The following CLEC16A variants were observed in gnomAD, a reference collection of about 807,000 sequenced individuals.
The protein encoded by CLEC16A is protein CLEC16A.
In CLEC16A, 51 loss-of-function variants were observed where a neutral mutation model predicts 109.5. That is an observed-to-expected ratio of 0.47 (90% CI 0.37 to 0.59). CLEC16A has a LOEUF of 0.59. Among genes scored for constraint, CLEC16A ranks in the 20% least tolerant of loss-of-function variants. CLEC16A has a pLI of 0.00. For synonymous variants in CLEC16A, 673 were observed against 564.2 expected (o/e 1.19, Z -2.73); for missense variants, 1,339 against 1,394.0 (o/e 0.96, Z 0.63).
intron 1 of CLEC16A, among the ~76,000 whole-genome samples, chr16:10,945,878 T>A (rs1327218073): frequency 3.3e-5 from 5 of 152,202 alleles, no homozygotes; most frequent in Non-Finnish European, 5.9e-5. Flanking sequence ...TTATTTTCTG[T>A]CTTCTGTTAA....
chr16:10,967,639 A>T (rs1380824099), intron 3 of CLEC16A, among the ~76,000 whole-genome samples: 1 of 152,220 alleles, frequency 6.6e-6, no homozygotes, highest in Admixed American at 6.5e-5. Flanking sequence ...CCATTCACAC[A>T]GCCAGTGAAT....
At chr16:11,010,277 C>A (rs952066546) in intron 11 of CLEC16A, among the ~76,000 whole-genome samples, 1 of 152,022 alleles carries the variant, frequency 6.6e-6, no homozygotes, top group Non-Finnish European at 1.5e-5. Context: ...ATACCTCTTT[C>A]ATAAACATGA....
At chr16:11,143,458 G>A (rs1175682990) in intron 22 of CLEC16A, among the ~76,000 whole-genome samples, 2 of 152,152 alleles carry the variant, frequency 1.3e-5, no homozygotes, top group African/African-American at 4.8e-5. Context: ...GGGTGGGAAA[G>A]CCACAGCCGC....
At chr16:11,114,165 GTGTGTGTGTGTGTT>G (rs1392771860) in intron 19 of CLEC16A, among the ~76,000 whole-genome samples, 1 of 141,706 alleles carries the variant, frequency 7.1e-6, no homozygotes, top group East Asian at 2.0e-4. Context: ...GTGTGTGTGT[GTGTGTGTGTGTGTT>G]TATTGGCAAT....
Position 11,174,715 on chromosome 16 carries a change from C to G in CLEC16A, c.2807-3620C>G, listed in dbSNP as rs1255418226. On this transcript the variant is annotated intron_variant, in intron 23 of 23. Coordinates refer to ENST00000409790, the MANE Select transcript of CLEC16A (RefSeq NM_015226.3). This position sits in a 1 kb window ranked among gnomAD's most constrained non-coding sequence, Gnocchi z 4.7. ...AATTTGTAGAAAGCAACCAAGAAGT[C>G]TCCTCATTTCTTTTTTCCTTTCTTC... is the stretch of plus-strand genomic sequence containing the variant. 6.6e-6 allele frequency among the ~76,000 whole-genome samples: 1 copy of G among 152,214 alleles called. No homozygotes were observed. The highest frequency in any genetic ancestry group is 1.5e-5 in the Non-Finnish European group (1 of 68,038).
chr16:11,123,512 T>G (rs1300344368), intron 20 of CLEC16A, among the ~76,000 whole-genome samples: 1 of 152,180 alleles, frequency 6.6e-6, no homozygotes, highest in Non-Finnish European at 1.5e-5. Context: ...ACCACCAGCA[T>G]CCGCTCCTTT....
rs566827363 is a variant in CLEC16A, at chr16:11,120,358, C to T, written c.2117-257C>T. Reference sequence around the variant, plus strand: ...TTTATGTACTTTATATGCTTTATATCAGTCCTAACTAGTAGCAGTTTGAGG... The same window carrying T: ...TTTATGTACTTTATATGCTTTATATTAGTCCTAACTAGTAGCAGTTTGAGG... On this transcript the variant is annotated intron_variant, in intron 19 of 23. Transcript: ENST00000409790. Among the ~76,000 whole-genome samples, 18 of 152,356 alleles carry T rather than the reference C, an allele frequency of 1.2e-4. 1 individual carries two copies. In the South Asian group the frequency reaches 3.5e-3, roughly 30 times the overall value.
rs890677804 is a variant in CLEC16A, at chr16:11,174,803, A to G, written c.2807-3532A>G. 6.6e-6 allele frequency among the ~76,000 whole-genome samples: 1 copy of G among 152,210 alleles called. No homozygotes were observed. Among genetic ancestry groups the G allele is most frequent in the African/African-American group, 2.4e-5 (1 of 41,450 alleles). On this transcript the variant is annotated intron_variant, in intron 23 of 23. Coordinates refer to ENST00000409790, the MANE Select transcript of CLEC16A (RefSeq NM_015226.3). The surrounding 1 kb of genome is among the most constrained non-coding windows in gnomAD (Gnocchi z 4.7). ...CTGTTTTGACCGGAAGCCAAGAGCCATTTCCCTCATAGACACATGGATGGA... is the reference window on the plus strand; with the variant it reads ...CTGTTTTGACCGGAAGCCAAGAGCCGTTTCCCTCATAGACACATGGATGGA...
intron 9 of CLEC16A, among the ~76,000 whole-genome samples, chr16:10,981,342 A>C (rs2043311002): frequency 6.6e-6 from 1 of 152,198 alleles, no homozygotes; most frequent in Non-Finnish European, 1.5e-5. Context: ...AAAAATCATC[A>C]TTGCTAACAT....
At chr16:11,036,144 G>A (rs2047003051) in intron 13 of CLEC16A, 1 of 152,504 alleles carries the variant, frequency 6.6e-6, no homozygotes, top group African/African-American at 2.4e-5. Context: ...GAACAGTCAG[G>A]GGAATGGAAC....
chr16:10,985,864 C>G (rs547991072), intron 10 of CLEC16A, among the ~76,000 whole-genome samples: 20 of 141,644 alleles, frequency 1.4e-4, no homozygotes, highest in African/African-American at 4.5e-4. Flanking sequence ...TGCCACCACG[C>G]CCAGCTAATT....
At chr16:10,955,352 A>G (rs554109872) in intron 1 of CLEC16A, among the ~76,000 whole-genome samples, 1 of 152,318 alleles carries the variant, frequency 6.6e-6, no homozygotes, top group African/African-American at 2.4e-5. Flanking sequence ...AGCAAGATCA[A>G]TAAGGTGATG....
chr16:11,048,890 A>G (rs1201234581), intron 17 of CLEC16A, among the ~76,000 whole-genome samples: 2 of 151,636 alleles, frequency 1.3e-5, no homozygotes, highest in Non-Finnish European at 2.9e-5. Flanking sequence ...CTGTTTGGAA[A>G]TGTCAGGCTT....
intron 22 of CLEC16A, among the ~76,000 whole-genome samples, chr16:11,142,903 CT>C (rs2053903316): frequency 6.6e-6 from 1 of 152,210 alleles, no homozygotes; most frequent in Admixed American, 6.5e-5. Flanking sequence ...CTCCGCCCCC[CT>C]GGTTCAAGTG....
At chr16:11,155,987 A>G (rs1293060169) in intron 22 of CLEC16A, among the ~76,000 whole-genome samples, 1 of 152,162 alleles carries the variant, frequency 6.6e-6, no homozygotes, top group African/African-American at 2.4e-5. Flanking sequence ...TCAGTGTAGG[A>G]TACACACTGT....
intron 19 of CLEC16A, among the ~76,000 whole-genome samples, chr16:11,084,406 G>A (rs1253675425): frequency 1.3e-5 from 2 of 152,138 alleles, no homozygotes; most frequent in South Asian, 4.1e-4. Context: ...TTGGATCCCA[G>A]GGCCCACAGT....
chr16:10,949,483 T>A (rs2041611376), intron 1 of CLEC16A, among the ~76,000 whole-genome samples: 1 of 151,892 alleles, frequency 6.6e-6, no homozygotes, highest in Admixed American at 6.6e-5. Context: ...GGAAAAGGCA[T>A]TTGAGAAAGC....
In CLEC16A at chr16:11,174,109, A is replaced by G. The variant is rs1472580857; in HGVS notation, c.2807-4226A>G. On this transcript the variant is annotated intron_variant, in intron 23 of 23. Coordinates refer to ENST00000409790, the MANE Select transcript of CLEC16A (RefSeq NM_015226.3). This position sits in a 1 kb window ranked among gnomAD's most constrained non-coding sequence, Gnocchi z 4.7. ...CCCTCCATGTCGCCTCTGCCGTCCC[A>G]TTGTTAAAGGCTTTCTATGATCTGT... The G allele has an allele frequency of 8.8e-6, 4 of 453,594 alleles. No homozygotes were observed. The highest frequency in any genetic ancestry group is 2.0e-5 in the African/African-American group (1 of 49,742). 28.1% of individuals were successfully genotyped at this position (453,594 alleles called of 1,614,324 possible).
chr16:10,991,816 G>A (rs2044034236), intron 10 of CLEC16A, among the ~76,000 whole-genome samples: 1 of 152,234 alleles, frequency 6.6e-6, no homozygotes, highest in Non-Finnish European at 1.5e-5. Flanking sequence ...GGGAGCCTGA[G>A]GGCTGCACTT....
Sources: gnomAD v4.1 joint callset for allele counts (sites outside exome capture counted in the v4.1 genomes callset) on GRCh38, gnomAD v4.1.1 for gene constraint, Gnocchi (gnomAD v3.1) non-coding constraint, MANE v1.5 for transcripts, NCBI Gene and HGNC (gene_info 2026-07-23, HGNC 2026-07-21) for gene names.